KIFC3: variants seen among roughly 807,000 people sequenced by gnomAD.
KIFC3 encodes the protein kinesin-like protein KIFC3.
Under a neutral mutation model 101.8 loss-of-function variants are expected in KIFC3, and 60 were observed. That is an observed-to-expected ratio of 0.59 (90% CI 0.48 to 0.73). KIFC3 has a LOEUF of 0.73. Among genes scored for constraint, KIFC3 ranks in the 30% least tolerant of loss-of-function variants. The probability of loss-of-function intolerance (pLI) is 0.00; values close to 1 mark genes in which losing one functional copy is unlikely to be tolerated. For synonymous variants in KIFC3, 476 were observed against 482.7 expected (o/e 0.99, Z 0.18); for missense variants, 966 against 1,137.1 (o/e 0.85, Z 2.16).
chr16:57,803,350 C>T (rs1555626246), upstream of KIFC3: 1 of 647,196 alleles, frequency 1.5e-6, no homozygotes, highest in East Asian at 3.1e-5. Context: ...GCATTTTATT[C>T]CAGAGCCAGC....
chr16:57,860,849 C>T (rs1959231467), intron 1 of KIFC3, among the ~76,000 whole-genome samples: 1 of 152,032 alleles, frequency 6.6e-6, no homozygotes, highest in South Asian at 2.1e-4. Flanking sequence ...AGCAGCTGAG[C>T]TAGAGGTACA....
intron 1 of KIFC3, among the ~76,000 whole-genome samples, chr16:57,813,197 G>C (rs1555628089): frequency 6.6e-6 from 1 of 152,016 alleles, no homozygotes; most frequent in Admixed American, 6.6e-5. Flanking sequence ...GCGTAGTGGT[G>C]CACGCCTGTG....
rs1555608388 is a variant in KIFC3, at chr16:57,771,563, G to A, written c.505C>T (p.Pro169Ser). The A allele has an allele frequency of 6.2e-7, 1 of 1,613,254 alleles. No individual in the cohort carries two copies. Among genetic ancestry groups the A allele is most frequent in the Non-Finnish European group, 8.5e-7 (1 of 1,179,928 alleles). The change falls in exon 5 of 20, where the codon CCA (proline) becomes TCA (serine). Residue 169 changes from proline to serine, a missense_variant. Coordinates refer to ENST00000445690, the MANE Select transcript of KIFC3 (RefSeq NM_001130100.2). ...ELRTKPAGPC[P>S]GCEHSQESAQ... ...CTCACCTGGCTGTGCTCACAACCTG[G>A]GCAGGGACCTGCTGGCTTTGTGCGC...
intron 3 of KIFC3, among the ~76,000 whole-genome samples, chr16:57,783,921 C>T (rs527524009): frequency 3.3e-5 from 5 of 152,222 alleles, no homozygotes; most frequent in Non-Finnish European, 7.3e-5. Context: ...CCCTGCAACC[C>T]CCCAAGGCGC....
intron 1 of KIFC3, among the ~76,000 whole-genome samples, chr16:57,823,761 T>TGTGTGTGTG (rs1568088450): frequency 0.012 from 1,705 of 136,712 alleles, 25 homozygotes; most frequent in Middle Eastern, 0.029. Flanking sequence ...CCCGGCTACT[T>TGTGTGTGTG]TGTGTGTGTG....
chr16:57,767,476 G>A lies in KIFC3; in HGVS notation c.1219-491C>T, dbSNP rs989177792. Among the ~76,000 whole-genome samples, 4 of 152,148 alleles carry A rather than the reference G, an allele frequency of 2.6e-5. No homozygotes were observed. The East Asian group carries it at 5.8e-4, about 22-fold the overall frequency. On this transcript the variant is annotated intron_variant, in intron 9 of 19. Transcript: ENST00000445690. ...AAAATCACACATACAGTATCACACTGTACACAAATCACACATCCCCTTTCT... is the reference window on the plus strand; with the variant it reads ...AAAATCACACATACAGTATCACACTATACACAAATCACACATCCCCTTTCT...
At chr16:57,782,185 C>T (rs1555615191) in intron 3 of KIFC3, 4 of 976,576 alleles carry the variant, frequency 4.1e-6, no homozygotes, top group Non-Finnish European at 4.9e-6. Context: ...TTTTTTCTGT[C>T]CATTCTTACA....
chr16:57,836,369 T>A (rs2149303721), intron 1 of KIFC3, among the ~76,000 whole-genome samples: 1 of 152,236 alleles, frequency 6.6e-6, no homozygotes, highest in South Asian at 2.1e-4. Flanking sequence ...CACCTCAGCC[T>A]CCCACAGTGC....
chr16:57,776,212 A>G, intron 3 of KIFC3: 1 of 985,524 alleles, frequency 1.0e-6, no homozygotes, highest in Non-Finnish European at 1.2e-6. Context: ...TGAGCTGGGA[A>G]GGCCAGAGGG....
Position 57,765,523 on chromosome 16 carries a change from T to C in KIFC3, c.1448A>G (p.His483Arg). ...ADDDSIIHLL[H>R]KGKPVSFELD... is the part of the protein sequence containing the mutation. ...CTCGAAGGACACAGGCTTGCCCTTG[T>C]GCAGCAGGTGGATGATGGAGTCGTC... is the stretch of plus-strand genomic sequence containing the variant. Residue 483 changes from histidine (H) to arginine (R), a missense_variant, in exon 11 of 20, where the codon CAC becomes CGC. His to Arg is a conservative substitution (Grantham distance 29). Transcript: ENST00000445690. 6.3e-7 allele frequency: 1 copy of C among 1,594,046 alleles called. No individual in the cohort carries two copies. Among genetic ancestry groups the C allele is most frequent in the Middle Eastern group, 1.7e-4 (1 of 6,038 alleles).
At chr16:57,858,156 G>A (rs1167562393) in intron 1 of KIFC3, among the ~76,000 whole-genome samples, 1 of 151,962 alleles carries the variant, frequency 6.6e-6, no homozygotes, top group Non-Finnish European at 1.5e-5. Context: ...TGGGCATTTG[G>A]GTTGTTTCCA....
intron 1 of KIFC3, among the ~76,000 whole-genome samples, chr16:57,821,683 A>G (rs2055353140): frequency 2.0e-5 from 3 of 152,148 alleles, no homozygotes; most frequent in Non-Finnish European, 1.5e-5. Context: ...GAGGGGTGCT[A>G]TTATAGGTAG....
upstream of KIFC3, among the ~76,000 whole-genome samples, chr16:57,806,742 G>A (rs1568071364): frequency 6.6e-6 from 1 of 152,232 alleles, no homozygotes; most frequent in African/African-American, 2.4e-5. Context: ...GGAGTGCCCT[G>A]CAGCTGTGAA....
rs11642477 is a variant in KIFC3 at position 57,815,701 on chromosome 16, A to G, written c.109-17419T>C. Reference sequence around the variant, plus strand: ...TCCACTCGGGGCCTGGGAGAAGGGGAGCAAATATCTGTCTACTCCCTCAAC... The same window carrying G: ...TCCACTCGGGGCCTGGGAGAAGGGGGGCAAATATCTGTCTACTCCCTCAAC... On this transcript the variant is annotated intron_variant, in intron 1 of 2. Coordinates refer to the KIFC3 transcript ENST00000563028. 3.1e-3 allele frequency: 3,869 copies of G among 1,249,416 alleles called. 10 individuals carry two copies. The highest frequency in any genetic ancestry group is 7.4e-3 in the Middle Eastern group (34 of 4,588). 77.4% of individuals were successfully genotyped at this position (1,249,416 alleles called of 1,614,324 possible).
intron 3 of KIFC3, chr16:57,788,624 C>G (rs1568028042): frequency 7.8e-7 from 1 of 1,289,524 alleles, no homozygotes. Context: ...CCTCCCGGGC[C>G]CGCCTGGGGG....
chr16:57,764,964 A>G (rs1392282937), intron 11 of KIFC3, among the ~76,000 whole-genome samples: 2 of 146,894 alleles, frequency 1.4e-5, no homozygotes, highest in Non-Finnish European at 3.0e-5. Context: ...ATGGGCTGTG[A>G]TGGTAGGAGG....
intron 3 of KIFC3, among the ~76,000 whole-genome samples, chr16:57,786,521 TG>T: frequency 6.7e-6 from 1 of 149,070 alleles, no homozygotes; most frequent in African/African-American, 2.5e-5. Context: ...GAGAGAAGAA[TG>T]GGGGGCTAGG....
intron 1 of KIFC3, among the ~76,000 whole-genome samples, chr16:57,809,152 A>G (rs2055010202): frequency 6.6e-6 from 1 of 152,066 alleles, no homozygotes; most frequent in South Asian, 2.1e-4. Context: ...TATAATAAGC[A>G]TTTTCCATGT....
chr16:57,768,177 A>T (rs542289805), intron 9 of KIFC3, among the ~76,000 whole-genome samples: 2 of 151,338 alleles, frequency 1.3e-5, no homozygotes, highest in East Asian at 3.9e-4. Context: ...AATACAAAAC[A>T]AACAAACAAA....
Sources: allele counts gnomAD v4.1 joint callset (sites outside exome capture counted in the v4.1 genomes callset), GRCh38; gene constraint gnomAD v4.1.1; transcripts MANE v1.5; gene names NCBI Gene and HGNC (gene_info 2026-07-23, HGNC 2026-07-21).